The following GALNT13 variants were observed in gnomAD, a reference collection of about 807,000 sequenced individuals.
The protein encoded by GALNT13 is UDP-GalNAc:polypeptide N-acetylgalactosaminyltransferase 13.
A neutral mutation model predicts 64.2 loss-of-function variants in GALNT13; 28 were observed. The observed-to-expected ratio is 0.44, with a 90% CI of 0.32 to 0.60. GALNT13 has a LOEUF of 0.60. GALNT13 is among the 20% of genes least tolerant of loss of function. GALNT13 has a pLI of 0.05. For synonymous variants in GALNT13, 214 were observed against 224.6 expected (o/e 0.95, Z 0.42); for missense variants, 577 against 669.8 (o/e 0.86, Z 1.53).
intron 3 of GALNT13, among the ~76,000 whole-genome samples, chr2:154,120,844 G>A (rs1031322503): frequency 3.9e-5 from 6 of 151,936 alleles, no homozygotes; most frequent in African/African-American, 7.3e-5. Flanking sequence ...CAACTGGCAG[G>A]AAAACAGAGC....
At chr2:153,106,355 T>A in the GALNT13 span, among the ~76,000 whole-genome samples, 3 of 152,218 alleles carry the variant, frequency 2.0e-5, no homozygotes, top group South Asian at 2.1e-4. Flanking sequence ...ACTTAACCCG[T>A]CTGAACTCCT....
the GALNT13 span, among the ~76,000 whole-genome samples, chr2:153,627,863 A>T: frequency 1.3e-5 from 2 of 152,080 alleles, no homozygotes; most frequent in Non-Finnish European, 1.5e-5. Flanking sequence ...TGAACTTTAA[A>T]GTAGTTTTTT....
the GALNT13 span, among the ~76,000 whole-genome samples, chr2:153,631,063 T>C: frequency 1.3e-5 from 2 of 151,592 alleles, no homozygotes; most frequent in Non-Finnish European, 1.5e-5. Flanking sequence ...ATGCAGTGTT[T>C]GGTTTTCTCT....
At chr2:154,156,748 A>G (rs1346349628) in intron 4 of GALNT13, among the ~76,000 whole-genome samples, 1 of 152,176 alleles carries the variant, frequency 6.6e-6, no homozygotes, top group Non-Finnish European at 1.5e-5. Flanking sequence ...GAGTTACATT[A>G]CTAGGAACTT....
intron 3 of GALNT13, among the ~76,000 whole-genome samples, chr2:154,106,501 A>C (rs1466334624): frequency 7.9e-5 from 12 of 151,960 alleles, no homozygotes; most frequent in Admixed American, 7.9e-4. Flanking sequence ...TTACATGAGT[A>C]TATTTGGGGT....
chr2:153,770,788 G>A, the GALNT13 span, among the ~76,000 whole-genome samples: 2 of 152,192 alleles, frequency 1.3e-5, no homozygotes, highest in East Asian at 3.9e-4. Flanking sequence ...CAGCCCTGGA[G>A]GGAAGGACCA....
the GALNT13 span, among the ~76,000 whole-genome samples, chr2:153,770,888 GCCATCAAGCA>G: frequency 6.6e-6 from 1 of 152,192 alleles, no homozygotes; most frequent in Admixed American, 6.5e-5. Flanking sequence ...CTTGTGGATA[GCCATCAAGCA>G]CCTAGAGGTG....
intron 9 of GALNT13, among the ~76,000 whole-genome samples, chr2:154,356,737 C>A (rs2105273050): frequency 6.6e-6 from 1 of 151,894 alleles, no homozygotes; most frequent in Non-Finnish European, 1.5e-5. Flanking sequence ...TTATTTGTTT[C>A]TTTAAATTGA....
intron 4 of GALNT13, among the ~76,000 whole-genome samples, chr2:154,157,954 T>G (rs926746801): frequency 6.6e-6 from 1 of 152,190 alleles, no homozygotes; most frequent in Non-Finnish European, 1.5e-5. Flanking sequence ...CTTCATTATT[T>G]GCTGATACCT....
the GALNT13 span, among the ~76,000 whole-genome samples, chr2:153,661,307 A>G: frequency 6.6e-6 from 1 of 152,140 alleles, no homozygotes; most frequent in Non-Finnish European, 1.5e-5. Context: ...GAGTAGGTAC[A>G]TTTTCTGGAG....
intron 8 of GALNT13, among the ~76,000 whole-genome samples, chr2:154,298,518 T>TAAATTG (rs1559075211): frequency 3.4e-5 from 4 of 116,276 alleles, no homozygotes; most frequent in African/African-American, 1.3e-4. Flanking sequence ...AAATTATATA[T>TAAATTG]TATATATAAA....
chr2:154,308,443 C>T (rs1040358209), intron 9 of GALNT13, among the ~76,000 whole-genome samples: 1 of 152,062 alleles, frequency 6.6e-6, no homozygotes, highest in African/African-American at 2.4e-5. Context: ...TTGAAAAATA[C>T]AATATTTAAT....
chr2:154,413,853 A>G (rs1699895054), intron 11 of GALNT13, among the ~76,000 whole-genome samples: 1 of 152,052 alleles, frequency 6.6e-6, no homozygotes. Context: ...TCATTGTTTT[A>G]TTGTTTAACA....
chr2:153,155,674 C>G, the GALNT13 span, among the ~76,000 whole-genome samples: 15 of 152,144 alleles, frequency 9.9e-5, no homozygotes, highest in African/African-American at 3.6e-4. Flanking sequence ...TAACAGACTC[C>G]TAGATTCTTT....
the GALNT13 span, chr2:153,477,261 C>T: frequency 2.6e-5 from 4 of 152,544 alleles, no homozygotes; most frequent in African/African-American, 9.7e-5. Context: ...TTGCCCTGGC[C>T]GGGAGCCAGA....
rs77743821 is a variant in GALNT13 at position 154,167,510 on chromosome 2, C to G, written c.311+27005C>G. Among the ~76,000 whole-genome samples the G allele has an allele frequency of 7.7e-3, 1,180 of 152,288 alleles. 14 individuals carry two copies. The highest frequency in any genetic ancestry group is 0.027 in the African/African-American group (1,118 of 41,554). Reference sequence around the variant, plus strand: ...TTGAACAAGCTTTTAGGAGTGATCACTCTAACAGCAAACATCTCCTTTGCA... The same window carrying G: ...TTGAACAAGCTTTTAGGAGTGATCAGTCTAACAGCAAACATCTCCTTTGCA... On this transcript the variant is annotated intron_variant, in intron 4 of 12. Coordinates refer to ENST00000392825, the MANE Select transcript of GALNT13 (RefSeq NM_052917.4).
At chr2:153,450,962 T>G in the GALNT13 span, among the ~76,000 whole-genome samples, 3 of 152,168 alleles carry the variant, frequency 2.0e-5, no homozygotes, top group South Asian at 6.2e-4. Context: ...AGAGAAGTTT[T>G]TCTATGAAGT....
the GALNT13 span, among the ~76,000 whole-genome samples, chr2:153,406,893 A>G: frequency 6.6e-6 from 1 of 152,160 alleles, no homozygotes; most frequent in African/African-American, 2.4e-5. Context: ...AACTGTTTTC[A>G]CATGTGGTTG....
At chr2:153,533,957 C>T in the GALNT13 span, among the ~76,000 whole-genome samples, 2 of 151,230 alleles carry the variant, frequency 1.3e-5, no homozygotes, top group Admixed American at 6.6e-5. Context: ...AGGCAGGTCT[C>T]GAACTCCTGG....
Sources: gnomAD v4.1 joint callset for allele counts (sites outside exome capture counted in the v4.1 genomes callset) on GRCh38, gnomAD v4.1.1 for gene constraint, MANE v1.5 for transcripts, NCBI Gene and HGNC (gene_info 2026-07-23, HGNC 2026-07-21) for gene names.